Variants in STMND1 observed in about 807,000 individuals in gnomAD.
STMND1 encodes stathmin domain containing 1.
Under a neutral mutation model 23.0 loss-of-function variants are expected in STMND1, and 17 were observed. The observed-to-expected ratio is 0.74, with a 90% confidence interval of 0.51 to 1.11. The LOEUF is 1.11. Among genes scored for constraint, STMND1 ranks in the 50% least tolerant of loss-of-function variants. The probability of loss-of-function intolerance (pLI) is 0.00; values close to 1 mark genes in which losing one functional copy is unlikely to be tolerated. For synonymous variants in STMND1, 114 were observed against 119.9 expected (o/e 0.95, Z 0.32); for missense variants, 305 against 329.1 (o/e 0.93, Z 0.57).
intron 3 of STMND1, among the ~76,000 whole-genome samples, chr6:17,122,353 G>C (rs932265303): frequency 6.6e-6 from 1 of 151,842 alleles, no homozygotes; most frequent in Admixed American, 6.6e-5. Context: ...ACAATGAAAA[G>C]AAGCCAGAGA....
intron 1 of STMND1, among the ~76,000 whole-genome samples, chr6:17,113,967 CACAAA>C: frequency 6.6e-6 from 1 of 152,258 alleles, no homozygotes; most frequent in South Asian, 2.1e-4. Flanking sequence ...AGCCAATTCA[CACAAA>C]TTTAGTGGCT....
chr6:17,126,058 ATATATATATATATTTT>A (rs1384454490), intron 3 of STMND1, among the ~76,000 whole-genome samples: 1 of 23,112 alleles, frequency 4.3e-5, no homozygotes, highest in South Asian at 2.8e-3. Flanking sequence ...ATATATATAT[ATATATATATATATTTT>A]TTTTTTTTTT....
rs541305834 is a variant in STMND1, at chr6:17,103,904, C to T, written c.81+1566C>T. Among the ~76,000 whole-genome samples the T allele has an allele frequency of 6.6e-5, 10 of 152,252 alleles. No individual in the cohort carries two copies. In the East Asian group the frequency reaches 1.5e-3, roughly 24 times the overall value. ...TACCTTTTATGGGGTATTTCTGCCT[C>T]TCCTGACAGGATCCTAACAAGTTTC... On this transcript the variant is annotated intron_variant, in intron 1 of 4. Transcript: ENST00000536551.
At chr6:17,114,046 T>G (rs1332376198) in intron 1 of STMND1, among the ~76,000 whole-genome samples, 1 of 152,188 alleles carries the variant, frequency 6.6e-6, no homozygotes, top group African/African-American at 2.4e-5. Context: ...AGTTTTTCCA[T>G]GGACTAGGGT....
chr6:17,110,249 C>T (rs986000179), intron 1 of STMND1, among the ~76,000 whole-genome samples: 2 of 152,174 alleles, frequency 1.3e-5, no homozygotes, highest in Admixed American at 1.3e-4. Context: ...TTAGGCATGG[C>T]GTCACGTGCC....
intron 1 of STMND1, among the ~76,000 whole-genome samples, chr6:17,109,612 T>A (rs960924939): frequency 1.3e-5 from 2 of 152,232 alleles, no homozygotes; most frequent in African/African-American, 4.8e-5. Context: ...GTTTCCTGCC[T>A]AGAGTCATAA....
rs1761222031 is a variant in STMND1, at chr6:17,120,749, T to C, written c.402T>C (p.Tyr134=). The part of the protein sequence containing the change: ...HSKVFRNGES[Y]DVTLTTTEKP... ...AAGTATTTAGAAATGGAGAATCATA[T>C]GATGTCACGGCAAGTAATTTTGTAA... Residue 134 remains tyrosine (Y), a synonymous_variant, in exon 3 of 5, where the codon TAT becomes TAC. Transcript: ENST00000536551. 1 of 1,526,546 alleles carries C rather than the reference T, an allele frequency of 6.6e-7. No homozygotes were observed. The highest frequency in any genetic ancestry group is 1.2e-5 in the South Asian group (1 of 82,584). The allele number at this position is 1,526,546 out of a possible 1,614,324, so 94.6% of individuals were successfully genotyped here. A position where few individuals can be genotyped will look rare whatever the true frequency, so the allele number is the denominator to read the frequency against.
chr6:17,121,197 T>A (rs1164038779), intron 3 of STMND1, among the ~76,000 whole-genome samples: 3 of 152,240 alleles, frequency 2.0e-5, no homozygotes, highest in Admixed American at 6.5e-5. Flanking sequence ...CATGTAGAAC[T>A]CTGAATCAAT....
chr6:17,105,853 A>T (rs867612534), intron 1 of STMND1, among the ~76,000 whole-genome samples: 5 of 151,586 alleles, frequency 3.3e-5, no homozygotes, highest in African/African-American at 1.2e-4. Context: ...TGAACCTGGG[A>T]GGCGGAACTT....
intron 1 of STMND1, among the ~76,000 whole-genome samples, chr6:17,104,476 C>T (rs543585625): frequency 1.3e-5 from 2 of 152,138 alleles, no homozygotes; most frequent in Non-Finnish European, 2.9e-5. Context: ...AAAAACCAAT[C>T]CTCTCCAAGC....
intron 3 of STMND1, among the ~76,000 whole-genome samples, chr6:17,123,116 A>G (rs554500931): frequency 4.6e-5 from 7 of 152,344 alleles, no homozygotes; most frequent in East Asian, 1.9e-4. Context: ...CCGTGATTCA[A>G]TTGCCAGAGA....
At chr6:17,112,549 G>C (rs769204349) in intron 1 of STMND1, among the ~76,000 whole-genome samples, 1 of 151,994 alleles carries the variant, frequency 6.6e-6, no homozygotes, top group African/African-American at 2.4e-5. Context: ...AGGCCGAGGC[G>C]GGTGGATCAC....
chr6:17,110,710 G>A (rs991323750), intron 1 of STMND1: 4 of 420,898 alleles, frequency 9.5e-6, no homozygotes, highest in South Asian at 3.5e-5. Flanking sequence ...AGAGGTTGCA[G>A]TGAGCCGAGA....
intron 2 of STMND1, among the ~76,000 whole-genome samples, chr6:17,116,898 C>T (rs1761168920): frequency 6.6e-6 from 1 of 152,192 alleles, no homozygotes; most frequent in Non-Finnish European, 1.5e-5. Flanking sequence ...TGTTAACCTT[C>T]TGCCACATTG....
At chr6:17,120,158 C>T (rs1396308361) in intron 2 of STMND1, among the ~76,000 whole-genome samples, 1 of 152,186 alleles carries the variant, frequency 6.6e-6, no homozygotes, top group Admixed American at 6.5e-5. Flanking sequence ...GGTTGCAGAA[C>T]TAGAAGTCTC....
At chr6:17,127,319 G>T (rs1179654253) in intron 3 of STMND1, among the ~76,000 whole-genome samples, 1 of 152,202 alleles carries the variant, frequency 6.6e-6, no homozygotes, top group East Asian at 1.9e-4. Context: ...GGAGGCTGAG[G>T]CAGGTGGAAC....
Position 17,122,037 on chromosome 6 carries a change from A to G in STMND1, c.411+1279A>G, listed in dbSNP as rs996384265. 3.3e-5 allele frequency among the ~76,000 whole-genome samples: 5 copies of G among 151,856 alleles called. No individual in the cohort carries two copies. The East Asian group carries it at 7.7e-4, about 23-fold the overall frequency. ...ACCATCAAGTCCAGCTAATTTTTGT[A>G]TTTTTAGTAGAGACAGGATTTCACC... is the stretch of plus-strand genomic sequence containing the variant. On this transcript the variant is annotated intron_variant, in intron 3 of 4. Coordinates refer to ENST00000536551, the MANE Select transcript of STMND1 (RefSeq NM_001190766.2).
chr6:17,128,445 G>C (rs996631608), intron 3 of STMND1: 3 of 152,182 alleles, frequency 2.0e-5, no homozygotes, highest in Non-Finnish European at 4.4e-5. Flanking sequence ...AAAATCATCA[G>C]GTTGAACTCT....
At chr6:17,110,012 C>T (rs1026704953) in intron 1 of STMND1, among the ~76,000 whole-genome samples, 1 of 152,326 alleles carries the variant, frequency 6.6e-6, no homozygotes, top group Non-Finnish European at 1.5e-5. Context: ...TCTGTTTCTG[C>T]TACACTGGAA....
Sources: gnomAD v4.1 joint callset for allele counts (sites outside exome capture counted in the v4.1 genomes callset) on GRCh38, gnomAD v4.1.1 for gene constraint, MANE v1.5 for transcripts, NCBI Gene and HGNC (gene_info 2026-07-23, HGNC 2026-07-21) for gene names.